Variants in ZFHX3 observed in about 807,000 individuals in gnomAD.
ZFHX3 encodes zinc finger homeobox 3, also known as zinc finger homeobox protein 3.
A neutral mutation model predicts 279.1 loss-of-function variants in ZFHX3; 42 were observed. The observed-to-expected ratio is 0.15, with a 90% CI of 0.12 to 0.19. ZFHX3 has a LOEUF of 0.19. ZFHX3 is among the 10% of genes least tolerant of loss of function. ZFHX3 has a pLI of 1.00. For missense variants in ZFHX3, 4,981 were observed against 4,754.0 expected (o/e 1.05, Z -1.40); for synonymous variants, 2,293 against 1,957.8 (o/e 1.17, Z -4.52).
At chr16:73,447,394 G>A (rs1191468226) in intron 3 of ZFHX3, among the ~76,000 whole-genome samples, 1 of 152,032 alleles carries the variant, frequency 6.6e-6, no homozygotes, top group Non-Finnish European at 1.5e-5. Flanking sequence ...ACCATACCCT[G>A]AATCCCAGAA....
chr16:73,266,057 T>C (rs138504495), intron 4 of ZFHX3, among the ~76,000 whole-genome samples: 25 of 152,326 alleles, frequency 1.6e-4, no homozygotes, highest in African/African-American at 6.0e-4. Flanking sequence ...CACTTACTCT[T>C]TACAGCAAAG....
chr16:73,204,619 T>C (rs962075955), intron 5 of ZFHX3, among the ~76,000 whole-genome samples: 2 of 152,268 alleles, frequency 1.3e-5, no homozygotes, highest in African/African-American at 2.4e-5. Flanking sequence ...TGTGACCTGG[T>C]TCCTAACAGG....
At chr16:73,838,685 G>A (rs1961210230) in intron 1 of ZFHX3, among the ~76,000 whole-genome samples, 1 of 152,206 alleles carries the variant, frequency 6.6e-6, no homozygotes, top group South Asian at 2.1e-4. Flanking sequence ...CAGAAAGGAA[G>A]CAGAAGGATA....
At chr16:73,701,902 T>C (rs2053251244) in intron 1 of ZFHX3, among the ~76,000 whole-genome samples, 1 of 152,032 alleles carries the variant, frequency 6.6e-6, no homozygotes, top group African/African-American at 2.4e-5. Flanking sequence ...ATCTTAAGTA[T>C]GTGGGCGATT....
chr16:72,834,319 A>C (rs1016842574), intron 4 of ZFHX3, among the ~76,000 whole-genome samples: 3 of 152,322 alleles, frequency 2.0e-5, no homozygotes, highest in South Asian at 4.1e-4. Context: ...GATAGCACTT[A>C]CTTACTAGTG....
intron 3 of ZFHX3, among the ~76,000 whole-genome samples, chr16:72,901,078 A>C (rs2039021827): frequency 6.6e-6 from 1 of 151,008 alleles, no homozygotes; most frequent in South Asian, 2.1e-4. Flanking sequence ...ATACTTCATA[A>C]AAGTCAGAAT....
At chr16:73,467,260 A>C (rs1416143245) in intron 2 of ZFHX3, among the ~76,000 whole-genome samples, 1 of 152,144 alleles carries the variant, frequency 6.6e-6, no homozygotes, top group Non-Finnish European at 1.5e-5. Context: ...AATGGAAGCA[A>C]GATAGCTCCA....
At chr16:73,591,377 C>CA (rs2051993900) in intron 2 of ZFHX3, among the ~76,000 whole-genome samples, 2 of 144,810 alleles carry the variant, frequency 1.4e-5, no homozygotes, top group African/African-American at 5.1e-5. Context: ...AACAAACAAA[C>CA]AAACAAACAA....
chr16:73,401,901 A>G (rs2143433669), intron 3 of ZFHX3: 1 of 152,310 alleles, frequency 6.6e-6, no homozygotes. Flanking sequence ...AGATTTGTAG[A>G]TGCCAAAAGA....
At chr16:73,286,557 G>T (rs900525760) in intron 4 of ZFHX3, among the ~76,000 whole-genome samples, 2 of 151,144 alleles carry the variant, frequency 1.3e-5, no homozygotes, top group African/African-American at 4.9e-5. Flanking sequence ...GGGTGTGTGC[G>T]TTGGTGTGTG....
chr16:73,335,095 A>G (rs941939677), intron 3 of ZFHX3, among the ~76,000 whole-genome samples: 5 of 152,104 alleles, frequency 3.3e-5, no homozygotes, highest in Non-Finnish European at 1.5e-5. Flanking sequence ...CTTTTTCAGA[A>G]AAACCAAGAC....
At chr16:73,847,141 A>G (rs1464141357) in intron 1 of ZFHX3, among the ~76,000 whole-genome samples, 1 of 152,130 alleles carries the variant, frequency 6.6e-6, no homozygotes, top group Non-Finnish European at 1.5e-5. Flanking sequence ...ATCTCTACTA[A>G]AAATACAAAA....
intron 2 of ZFHX3, among the ~76,000 whole-genome samples, chr16:73,657,951 G>C (rs1567544411): frequency 6.6e-6 from 1 of 151,974 alleles, no homozygotes; most frequent in Non-Finnish European, 1.5e-5. Context: ...TTTTCTCTTG[G>C]GTATATGTTG....
At chr16:72,895,118 C>T (rs1213236594) in intron 3 of ZFHX3, among the ~76,000 whole-genome samples, 1 of 152,208 alleles carries the variant, frequency 6.6e-6, no homozygotes, top group East Asian at 1.9e-4. Flanking sequence ...CGAGACACTG[C>T]ATGCACGCGC....
At chr16:73,509,362 C>A (rs554883041) in intron 2 of ZFHX3, among the ~76,000 whole-genome samples, 70 of 151,998 alleles carry the variant, frequency 4.6e-4, no homozygotes, top group Non-Finnish European at 7.3e-4. Flanking sequence ...CCCTCCACCC[C>A]CTAAACAATC....
chr16:72,909,267 A>T (rs1388737262), intron 3 of ZFHX3, among the ~76,000 whole-genome samples: 1 of 152,186 alleles, frequency 6.6e-6, no homozygotes, highest in Non-Finnish European at 1.5e-5. Context: ...TTCAGAGGGT[A>T]AAAAAGCTTA....
chr16:73,362,617 A>G (rs1372015603), intron 3 of ZFHX3, among the ~76,000 whole-genome samples: 5 of 152,238 alleles, frequency 3.3e-5, no homozygotes, highest in Non-Finnish European at 7.3e-5. Context: ...TAATATTTCA[A>G]TACCTAGAAT....
At chr16:73,242,721 C>T (rs2013161349) in intron 5 of ZFHX3, among the ~76,000 whole-genome samples, 1 of 152,182 alleles carries the variant, frequency 6.6e-6, no homozygotes, top group African/African-American at 2.4e-5. Context: ...AATAACGAGA[C>T]AAGAAAGCTG....
chr16:72,974,354 T>C (rs1386254883), intron 1 of ZFHX3, among the ~76,000 whole-genome samples: 1 of 152,126 alleles, frequency 6.6e-6, no homozygotes, highest in Non-Finnish European at 1.5e-5. Flanking sequence ...GGAAAACCTG[T>C]AAGGGTGAGG....
Sources: allele counts gnomAD v4.1 joint callset (sites outside exome capture counted in the v4.1 genomes callset), GRCh38; gene constraint gnomAD v4.1.1; transcripts MANE v1.5; gene names NCBI Gene and HGNC (gene_info 2026-07-23, HGNC 2026-07-21).